CNGA1: variants seen among roughly 807,000 people sequenced by gnomAD.
CNGA1 encodes cyclic nucleotide-gated channel alpha-1.
CNGA1 carries 53 observed loss-of-function variants against 69.7 expected under a neutral mutation model. The ratio of observed to expected loss-of-function variants is 0.76; its 90% CI spans 0.61 to 0.96. CNGA1 has a LOEUF of 0.96. CNGA1 is among the 40% of genes least tolerant of loss of function. The pLI is 0.00. For missense variants in CNGA1, 739 were observed against 811.2 expected (o/e 0.91, Z 1.08); for synonymous variants, 249 against 283.5 (o/e 0.88, Z 1.22).
intron 3 of CNGA1, among the ~76,000 whole-genome samples, chr4:47,961,652 C>G (rs12507658): frequency 0.64 from 97,565 of 151,966 alleles, 31,721 homozygotes; most frequent in Non-Finnish European, 0.69. Context: ...GCTGAGGTGA[C>G]AGGATCGCTT....
chr4:47,943,512 C>G, intron 6 of CNGA1, 100 bp from the exon 7 acceptor site: 1 of 769,390 alleles, frequency 1.3e-6, no homozygotes, highest in Admixed American at 3.4e-5. Flanking sequence ...CATTCAAAGA[C>G]CTGCTCCAGT....
Position 47,936,554 on chromosome 4 carries a change from T to C in CNGA1, c.1928A>G (p.Glu643Gly). Residue 643 changes from glutamate (E) to glycine (G), a missense_variant, in exon 11 of 11, where the codon GAG becomes GGG. Physicochemically the swap from Glu to Gly is moderately conservative, Grantham distance 98 (BLOSUM62 -2). Transcript: ENST00000514170. ...LQTRFARILA[E>G]YESMQQKLKQ... ...CAGTTTCTGCTGCATGGACTCATAC[T>C]CAGCCAAGATTCGGGCAAACCTGGT... is the stretch of plus-strand genomic sequence containing the variant. The C allele has an allele frequency of 6.2e-7, 1 of 1,614,226 alleles. No individual in the cohort carries two copies. Among genetic ancestry groups the C allele is most frequent in the South Asian group, 1.1e-5 (1 of 91,088 alleles).
chr4:48,005,105 ATTAT>A (rs58158986), intron 2 of CNGA1, among the ~76,000 whole-genome samples: 95 of 145,486 alleles, frequency 6.5e-4, no homozygotes, highest in East Asian at 3.2e-3. Context: ...TTGCTTTTTT[ATTAT>A]TTATTTATTT....
intron 1 of CNGA1, among the ~76,000 whole-genome samples, chr4:48,011,959 G>A (rs1427997038): frequency 2.6e-5 from 4 of 152,166 alleles, no homozygotes; most frequent in African/African-American, 9.7e-5. Flanking sequence ...AATCGCTTTA[G>A]GATTGGGAGG....
intron 6 of CNGA1, among the ~76,000 whole-genome samples, chr4:47,945,269 C>T (rs1197139091): frequency 6.6e-6 from 1 of 151,794 alleles, no homozygotes; most frequent in Non-Finnish European, 1.5e-5. Flanking sequence ...CAGACCTAAG[C>T]CAGTACTTAG....
intron 3 of CNGA1, among the ~76,000 whole-genome samples, chr4:47,970,256 GT>G: frequency 6.6e-6 from 1 of 152,224 alleles, no homozygotes; most frequent in Admixed American, 6.5e-5. Flanking sequence ...GTGACTTAAC[GT>G]TGAAGAACAC....
chr4:47,988,237 A>G (rs757806519), intron 2 of CNGA1, among the ~76,000 whole-genome samples: 2 of 152,206 alleles, frequency 1.3e-5, no homozygotes, highest in Non-Finnish European at 1.5e-5. Context: ...TTGATGAGAC[A>G]GGAAGGACAT....
At chr4:47,959,363 G>C (rs1243988267) in intron 3 of CNGA1, among the ~76,000 whole-genome samples, 1 of 152,014 alleles carries the variant, frequency 6.6e-6, no homozygotes, top group East Asian at 1.9e-4. Flanking sequence ...GTTCACTTTG[G>C]AAACTTGAAA....
intron 9 of CNGA1, 44 bp from the exon 10 acceptor site, chr4:47,940,913 G>T: frequency 1.6e-6 from 2 of 1,247,442 alleles, no homozygotes; most frequent in Non-Finnish European, 2.3e-6. Flanking sequence ...AGAAATGGGG[G>T]CCAATTTAAG....
At chr4:47,989,746 C>A (rs541946477) in intron 2 of CNGA1, among the ~76,000 whole-genome samples, 1 of 149,370 alleles carries the variant, frequency 6.7e-6, no homozygotes, top group East Asian at 1.9e-4. Flanking sequence ...GCACCCATTG[C>A]CCAAGCAGTA....
At chr4:47,955,153 C>T (rs1471155478) in intron 3 of CNGA1, among the ~76,000 whole-genome samples, 2 of 144,518 alleles carry the variant, frequency 1.4e-5, no homozygotes, top group Non-Finnish European at 3.0e-5. Context: ...ATTTCTTTTT[C>T]TCTGTCTCTT....
chr4:48,001,148 G>GA (rs898900313), intron 2 of CNGA1, among the ~76,000 whole-genome samples: 3 of 151,602 alleles, frequency 2.0e-5, no homozygotes, highest in African/African-American at 4.8e-5. Flanking sequence ...GATGTAAAGG[G>GA]AAAAAAAAGG....
At chr4:47,996,557 T>C (rs1742484386) in intron 2 of CNGA1, among the ~76,000 whole-genome samples, 1 of 152,082 alleles carries the variant, frequency 6.6e-6, no homozygotes, top group African/African-American at 2.4e-5. Context: ...CTGGCACAAA[T>C]TGAGTCCTTA....
intron 2 of CNGA1, among the ~76,000 whole-genome samples, chr4:47,988,280 AG>A (rs1742074504): frequency 6.6e-6 from 1 of 152,190 alleles, no homozygotes; most frequent in African/African-American, 2.4e-5. Context: ...GAGGGGAATT[AG>A]GAGTTCTATT....
intron 3 of CNGA1, among the ~76,000 whole-genome samples, chr4:47,959,596 A>G (rs1341300428): frequency 6.6e-6 from 1 of 152,180 alleles, no homozygotes; most frequent in African/African-American, 2.4e-5. Context: ...GGCACAAAAA[A>G]GACACTCAAT....
rs902032208 is a variant in CNGA1, at chr4:47,970,562, G to T, written c.-15+10831C>A. Among the ~76,000 whole-genome samples, 3 of 151,640 alleles carry T rather than the reference G, an allele frequency of 2.0e-5. No individual in the cohort carries two copies. The South Asian group carries it at 6.2e-4, about 32-fold the overall frequency. On this transcript the variant is annotated intron_variant, in intron 3 of 10. Transcript: ENST00000514170. ...AGCTACTCGGGAGGCTGAGGCAGGA[G>T]AACCACTTGAACCAGGGAAGTGGAG...
intron 6 of CNGA1, among the ~76,000 whole-genome samples, chr4:47,948,346 G>A (rs1739536768): frequency 2.0e-5 from 3 of 152,280 alleles, no homozygotes; most frequent in East Asian, 1.9e-4. Context: ...AAGAAAAGGT[G>A]CCATCCTCTA....
chr4:47,936,858 C>T lies in CNGA1; in HGVS notation c.1624G>A (p.Glu542Lys), dbSNP rs1738679115. The change falls in exon 11 of 11, where the codon GAG (glutamate) becomes AAG (lysine). Residue 542 changes from glutamate to lysine, a missense_variant. Glu to Lys is a moderately conservative substitution (Grantham distance 56, BLOSUM62 1). Transcript: ENST00000514170. ...VVLSDGSYFG[E>K]ISILNIKGSK... The stretch of plus-strand genomic sequence containing the variant: ...CCTTTAATGTTAAGAATGCTGATCT[C>T]ACCGAAGTAGCTGCCATCGCTCAAT... 6.2e-7 allele frequency: 1 copy of T among 1,614,128 alleles called. No individual in the cohort carries two copies. Among genetic ancestry groups the T allele is most frequent in the African/African-American group, 1.3e-5 (1 of 75,036 alleles).
chr4:47,951,369 C>G lies in CNGA1; in HGVS notation c.208G>C (p.Gly70Arg), dbSNP rs375993772. Residue 70 changes from glycine (G) to arginine (R), a missense_variant, in exon 5 of 11, where the codon GGA (glycine) becomes CGA (arginine). By Grantham distance (125) the Gly-to-Arg change is moderately radical. Transcript: ENST00000514170. ...ACTGCTCACCTCTGTGATGGTCCTC[C>G]CTTTCTGAGTGACTTATAACTAAAG... is the stretch of plus-strand genomic sequence containing the variant. ...GSFSYKSLRK[G>R]GPSQREQYLP... 1.2e-6 allele frequency: 2 copies of G among 1,608,858 alleles called. No individual in the cohort carries two copies. The highest frequency in any genetic ancestry group is 2.7e-5 in the African/African-American group (2 of 74,810).
Sources: allele counts gnomAD v4.1 joint callset (sites outside exome capture counted in the v4.1 genomes callset), GRCh38; gene constraint gnomAD v4.1.1; transcripts MANE v1.5; gene names NCBI Gene and HGNC (gene_info 2026-07-23, HGNC 2026-07-21).